Variants in BMPR1A observed in about 807,000 individuals in gnomAD.
BMPR1A encodes the protein bone morphogenetic protein receptor type-1A.
A neutral mutation model predicts 66.0 loss-of-function variants in BMPR1A; 7 were observed. The observed-to-expected ratio is 0.11, with a 90% CI of 0.06 to 0.20. BMPR1A has a LOEUF of 0.20. BMPR1A is among the 10% of genes least tolerant of loss of function. The pLI is 1.00. For synonymous variants in BMPR1A, 200 were observed against 229.7 expected (o/e 0.87, Z 1.17); for missense variants, 408 against 669.1 (o/e 0.61, Z 4.31).
At chr10:86,837,247 C>CTGTGTGTGTGTGTGTCTGTGTGTGTG (rs566199959) in intron 1 of BMPR1A, among the ~76,000 whole-genome samples, 8 of 138,106 alleles carry the variant, frequency 5.8e-5, no homozygotes, top group African/African-American at 2.2e-4. Flanking sequence ...GTGTGTGTGT[C>CTGTGTGTGTGTGTGTCTGTGTGTGTG]TGTGTGTGTG....
Position 86,824,036 on chromosome 10 carries a change from T to C in BMPR1A, c.-267-14829T>C, listed in dbSNP as rs554960433. On this transcript the variant is annotated intron_variant, in intron 1 of 12. Coordinates refer to ENST00000372037, the MANE Select transcript of BMPR1A (RefSeq NM_004329.3). ...TGCAGGCAGGGAACTATGTCTTAAA[T>C]GTTTTAAAATTTGCTTTAATGGCCC... Among the ~76,000 whole-genome samples, 61 of 138,870 alleles carry C rather than the reference T, an allele frequency of 4.4e-4. 1 individual carries two copies. The highest frequency in any genetic ancestry group is 1.4e-3 in the African/African-American group (57 of 40,072). 91.1% of individuals were successfully genotyped at this position (138,870 alleles called of 152,430 possible). A position where few individuals can be genotyped will look rare whatever the true frequency, so the allele number is the denominator to read the frequency against.
At chr10:86,874,756 C>A (rs532512517) in intron 2 of BMPR1A, among the ~76,000 whole-genome samples, 4 of 115,064 alleles carry the variant, frequency 3.5e-5, no homozygotes, top group Admixed American at 2.3e-4. Flanking sequence ...CTCGCTCTGT[C>A]GTGTAGGCTG....
intron 2 of BMPR1A, among the ~76,000 whole-genome samples, chr10:86,845,209 A>C (rs1842467528): frequency 6.6e-6 from 1 of 152,230 alleles, no homozygotes; most frequent in Non-Finnish European, 1.5e-5. Flanking sequence ...ACCAAAAAGC[A>C]GAAGTGAGAG....
intron 1 of BMPR1A, among the ~76,000 whole-genome samples, chr10:86,815,946 G>A (rs1185668590): frequency 6.6e-6 from 1 of 152,196 alleles, no homozygotes; most frequent in East Asian, 1.9e-4. Flanking sequence ...TTCTTGCCTA[G>A]GATATCCCTG....
chr10:86,874,312 G>GAT (rs1240971205), intron 2 of BMPR1A, among the ~76,000 whole-genome samples: 1 of 152,096 alleles, frequency 6.6e-6, no homozygotes, highest in Non-Finnish European at 1.5e-5. Flanking sequence ...ATCCATATTA[G>GAT]AAGTTCAGTT....
At chr10:86,758,576 T>C (rs985855527) in intron 1 of BMPR1A, among the ~76,000 whole-genome samples, 1 of 152,142 alleles carries the variant, frequency 6.6e-6, no homozygotes, top group African/African-American at 2.4e-5. Flanking sequence ...CTGCTTTTCC[T>C]TTTCAAATCT....
intron 8 of BMPR1A, 135 bp from the exon 9 acceptor site, chr10:86,916,999 A>T: frequency 9.9e-7 from 1 of 1,012,342 alleles, no homozygotes; most frequent in East Asian, 2.6e-5. Context: ...TCTCAAAAAA[A>T]AAAAAGTACA....
chr10:86,883,549 C>CAAAAAAAAAAAAAAAAAAA (rs71019436), intron 3 of BMPR1A, among the ~76,000 whole-genome samples: 1 of 45,412 alleles, frequency 2.2e-5, no homozygotes, highest in African/African-American at 7.1e-5. Context: ...GACTCCGTCT[C>CAAAAAAAAAAAAAAAAAAA]AAAAAAAAAA....
At chr10:86,784,418 G>A (rs923645425) in intron 1 of BMPR1A, among the ~76,000 whole-genome samples, 2 of 152,128 alleles carry the variant, frequency 1.3e-5, no homozygotes, top group Admixed American at 6.5e-5. Flanking sequence ...ATTTTTGTGT[G>A]TTGAGCCATC....
chr10:86,910,913 G>A (rs1033354413), intron 7 of BMPR1A, among the ~76,000 whole-genome samples: 4 of 152,042 alleles, frequency 2.6e-5, no homozygotes, highest in South Asian at 2.1e-4. Flanking sequence ...GTCTCATCTC[G>A]AACTCCTGTG....
intron 1 of BMPR1A, among the ~76,000 whole-genome samples, chr10:86,770,120 G>A (rs552066680): frequency 3.3e-5 from 5 of 152,272 alleles, no homozygotes; most frequent in South Asian, 4.1e-4. Flanking sequence ...GCGAAACCCC[G>A]TCTCTACAAA....
intron 1 of BMPR1A, among the ~76,000 whole-genome samples, chr10:86,818,281 T>C (rs1842066254): frequency 6.6e-6 from 1 of 152,192 alleles, no homozygotes; most frequent in South Asian, 2.1e-4. Flanking sequence ...CCTCCAAAAG[T>C]GCTGGGATTA....
At chr10:86,799,696 C>T (rs893015168) in intron 1 of BMPR1A, among the ~76,000 whole-genome samples, 1 of 151,798 alleles carries the variant, frequency 6.6e-6, no homozygotes, top group African/African-American at 2.4e-5. Context: ...GGACAACAGG[C>T]GCACATCGTC....
intron 2 of BMPR1A, chr10:86,855,608 G>A (rs1842629972): frequency 3.2e-6 from 2 of 619,600 alleles, no homozygotes; most frequent in East Asian, 5.3e-5. Context: ...GAACTCTTGA[G>A]TATTTACTTT....
rs1331807458 is a variant in BMPR1A at position 86,875,982 on chromosome 10, A to G, written c.-37A>G. On this transcript the variant is annotated 5_prime_UTR_variant, in exon 3 of 13. Coordinates refer to ENST00000372037, the MANE Select transcript of BMPR1A (RefSeq NM_004329.3). ...TGGTGAAGTAGCAAGACCAATTATT[A>G]AAGGTGACAGTACACAGGAAACATT... The G allele has an allele frequency of 6.6e-7, 1 of 1,520,490 alleles. No individual in the cohort carries two copies. Among genetic ancestry groups the G allele is most frequent in the Admixed American group, 1.7e-5 (1 of 59,882 alleles). The allele number at this position is 1,520,490 out of a possible 1,614,324, so 94.2% of individuals were successfully genotyped here.
chr10:86,879,368 T>A (rs1455675949), intron 3 of BMPR1A, among the ~76,000 whole-genome samples: 1 of 152,236 alleles, frequency 6.6e-6, no homozygotes, highest in Non-Finnish European at 1.5e-5. Flanking sequence ...CATTATATGC[T>A]CTTGTGTTAA....
At chr10:86,821,216 G>A (rs993373982) in intron 1 of BMPR1A, among the ~76,000 whole-genome samples, 1 of 152,184 alleles carries the variant, frequency 6.6e-6, no homozygotes, top group Non-Finnish European at 1.5e-5. Flanking sequence ...CTGCTGCAGT[G>A]TGACCTGAAG....
At chr10:86,774,364 C>A (rs1014270092) in intron 1 of BMPR1A, among the ~76,000 whole-genome samples, 11 of 151,302 alleles carry the variant, frequency 7.3e-5, no homozygotes, top group Admixed American at 2.6e-4. Flanking sequence ...TGTCAATATT[C>A]AAGGATTGTC....
At chr10:86,760,381 G>C (rs1363027547) in intron 1 of BMPR1A, among the ~76,000 whole-genome samples, 1 of 150,854 alleles carries the variant, frequency 6.6e-6, no homozygotes, top group Non-Finnish European at 1.5e-5. Context: ...AGCCTCCCAG[G>C]TAGCTGGGAC....
Sources: allele counts gnomAD v4.1 joint callset (sites outside exome capture counted in the v4.1 genomes callset), GRCh38; gene constraint gnomAD v4.1.1; transcripts MANE v1.5; gene names NCBI Gene and HGNC (gene_info 2026-07-23, HGNC 2026-07-21).